BACH2: variants seen among roughly 807,000 people sequenced by gnomAD.
The protein encoded by BACH2 is transcription regulator protein BACH2.
A neutral mutation model predicts 61.8 loss-of-function variants in BACH2; 5 were observed. That is an observed-to-expected ratio of 0.08 (90% CI 0.04 to 0.17). The LOEUF (loss-of-function observed/expected upper bound fraction) is 0.17, where lower values mean the gene tolerates loss of function less well. Ranked by LOEUF, BACH2 falls within the 10% of genes least tolerant of loss-of-function variation. BACH2 has a pLI of 1.00. For synonymous variants in BACH2, 446 were observed against 440.1 expected (o/e 1.01, Z -0.17); for missense variants, 824 against 1,091.1 (o/e 0.76, Z 3.45).
chr6:89,987,779 A>G (rs1211105057), intron 6 of BACH2, among the ~76,000 whole-genome samples: 1 of 152,082 alleles, frequency 6.6e-6, no homozygotes, highest in African/African-American at 2.4e-5. Flanking sequence ...TCCAAATTGG[A>G]TGGGGCCTGG....
At position 89,951,175 on chromosome 6, in the gene BACH2, G is replaced by C. The variant is rs148083597; in HGVS notation, c.931C>G (p.Arg311Gly). Residue 311 changes from arginine to glycine, a missense_variant, in exon 7 of 9, where the codon CGG (arginine) becomes GGG (glycine). Arg to Gly is a moderately radical substitution (Grantham distance 125, BLOSUM62 -2). Around this residue, in one of 8 missense-constraint regions of BACH2, gnomAD observed 226 missense variants for 228.5 expected, o/e 0.99. Coordinates refer to ENST00000257749, the MANE Select transcript of BACH2 (RefSeq NM_021813.4). This position sits in a 1 kb window ranked among gnomAD's most constrained non-coding sequence, Gnocchi z 6.4. Reference protein sequence around the residue: ...KDRAGDVEMDRKQPSPAPTPT... With the variant: ...KDRAGDVEMDGKQPSPAPTPT... ...GTAGGGGCAGGGCTGGGCTGTTTCC[G>C]GTCCATCTCGACATCCCCCGCTCTG... is the stretch of plus-strand genomic sequence containing the variant. 1 of 1,613,592 alleles carries C rather than the reference G, an allele frequency of 6.2e-7. No homozygotes were observed. The highest frequency in any genetic ancestry group is 8.5e-7 in the Non-Finnish European group (1 of 1,179,978).
chr6:89,963,671 T>A (rs1042447835), intron 6 of BACH2, among the ~76,000 whole-genome samples: 1 of 152,158 alleles, frequency 6.6e-6, no homozygotes, highest in Non-Finnish European at 1.5e-5. Context: ...AAATTACAAA[T>A]AGAACTACCA....
chr6:90,216,529 T>C (rs1412811704), intron 3 of BACH2, among the ~76,000 whole-genome samples: 1 of 152,206 alleles, frequency 6.6e-6, no homozygotes, highest in African/African-American at 2.4e-5. Flanking sequence ...CCTGAGGGGA[T>C]CCACCTGCTA....
chr6:90,296,409 C>A (rs1772391751), intron 1 of BACH2, 71 bp downstream of exon 1: 1 of 150,608 alleles, frequency 6.6e-6, no homozygotes, highest in Non-Finnish European at 1.5e-5. Flanking sequence ...CCCGCGCGCC[C>A]GCTCCCCCCG....
chr6:90,132,436 G>C lies in BACH2; in HGVS notation c.-161-43327C>G, dbSNP rs575765883. ...TACCAATCATACTTCCAGGCTCCTA[G>C]ACTTGGAGCCTCAGGGTCTTCTCTG... On this transcript the variant is annotated intron_variant, in intron 4 of 8. Transcript: ENST00000257749. 3.7e-4 allele frequency among the ~76,000 whole-genome samples: 57 copies of C among 152,238 alleles called. 1 individual carries two copies. The South Asian group carries it at 0.012, about 31-fold the overall frequency.
intron 5 of BACH2, among the ~76,000 whole-genome samples, chr6:90,032,554 A>G (rs1192872721): frequency 6.8e-6 from 1 of 147,278 alleles, no homozygotes; most frequent in Non-Finnish European, 1.5e-5. Flanking sequence ...AAGGATATGA[A>G]CAGACACTTC....
At chr6:90,052,372 GCTCT>G (rs1780087566) in intron 5 of BACH2, among the ~76,000 whole-genome samples, 2 of 148,958 alleles carry the variant, frequency 1.3e-5, no homozygotes, top group East Asian at 1.9e-4. Context: ...AATAGGTAGT[GCTCT>G]CTCTATCCTG....
At chr6:90,110,938 A>C (rs979425494) in intron 4 of BACH2, among the ~76,000 whole-genome samples, 1 of 152,214 alleles carries the variant, frequency 6.6e-6, no homozygotes, top group African/African-American at 2.4e-5. Flanking sequence ...AGATTTAATA[A>C]AAACAGTAAT....
chr6:89,949,582 C>T (rs369338603), intron 7 of BACH2, among the ~76,000 whole-genome samples: 1 of 152,158 alleles, frequency 6.6e-6, no homozygotes, highest in South Asian at 2.1e-4. Flanking sequence ...AAGTACATTG[C>T]TTTCAGGGTG....
chr6:90,218,932 T>C (rs914730500), intron 3 of BACH2, among the ~76,000 whole-genome samples: 3 of 150,782 alleles, frequency 2.0e-5, no homozygotes, highest in African/African-American at 7.4e-5. Context: ...TGTGTGTGTG[T>C]GTGTGTGTGT....
At chr6:90,266,068 T>G (rs1771319090) in intron 2 of BACH2, among the ~76,000 whole-genome samples, 1 of 152,050 alleles carries the variant, frequency 6.6e-6, no homozygotes, top group Admixed American at 6.6e-5. Flanking sequence ...GCACAATTCC[T>G]CCTGATCACC....
At chr6:90,057,592 GA>G (rs1316806349) in intron 5 of BACH2, among the ~76,000 whole-genome samples, 1 of 152,186 alleles carries the variant, frequency 6.6e-6, no homozygotes, top group Non-Finnish European at 1.5e-5. Flanking sequence ...CCAATCAACA[GA>G]AAAAGAGGGA....
At chr6:90,229,655 C>T (rs1280196375) in intron 3 of BACH2, among the ~76,000 whole-genome samples, 1 of 152,156 alleles carries the variant, frequency 6.6e-6, no homozygotes, top group Non-Finnish European at 1.5e-5. Context: ...GCAAAGGTTA[C>T]CTCTGAAACT....
At chr6:90,131,428 G>T (rs1268931217) in intron 4 of BACH2, among the ~76,000 whole-genome samples, 3 of 152,166 alleles carry the variant, frequency 2.0e-5, no homozygotes, top group Non-Finnish European at 4.4e-5. Flanking sequence ...AAATGCAGTA[G>T]CTTCTCCCAA....
intron 4 of BACH2, among the ~76,000 whole-genome samples, chr6:90,183,971 G>A (rs541600581): frequency 3.3e-5 from 5 of 152,306 alleles, no homozygotes; most frequent in East Asian, 1.9e-4. Context: ...AGCAAAGGAC[G>A]TCTTTTCTCA....
At chr6:90,288,576 C>G (rs533739006) in intron 1 of BACH2, among the ~76,000 whole-genome samples, 1 of 152,206 alleles carries the variant, frequency 6.6e-6, no homozygotes, top group East Asian at 1.9e-4. Context: ...ACCCTGCAAA[C>G]CTGAGGTAAT....
At chr6:90,159,213 T>A (rs1785104403) in intron 4 of BACH2, among the ~76,000 whole-genome samples, 1 of 152,178 alleles carries the variant, frequency 6.6e-6, no homozygotes, top group African/African-American at 2.4e-5. Context: ...TCTAGTAGAA[T>A]GAAAGGCACG....
At chr6:90,177,729 A>C (rs554913421) in intron 4 of BACH2, among the ~76,000 whole-genome samples, 1 of 152,136 alleles carries the variant, frequency 6.6e-6, no homozygotes, top group African/African-American at 2.4e-5. Context: ...ATTAACCTCA[A>C]CTCTGGGCTG....
At chr6:90,055,560 T>A (rs910630120) in intron 5 of BACH2, among the ~76,000 whole-genome samples, 1 of 151,658 alleles carries the variant, frequency 6.6e-6, no homozygotes, top group Non-Finnish European at 1.5e-5. Context: ...CAGGATATTA[T>A]CCAGGAGAAC....
Sources: allele counts gnomAD v4.1 joint callset (sites outside exome capture counted in the v4.1 genomes callset), GRCh38; gene constraint gnomAD v4.1.1; regional missense constraint gnomAD v4.1.1; non-coding constraint Gnocchi (gnomAD v3.1); transcripts MANE v1.5; gene names NCBI Gene and HGNC (gene_info 2026-07-23, HGNC 2026-07-21).